COL25A1: variants seen among roughly 807,000 people sequenced by gnomAD.
COL25A1 encodes collagen type XXV alpha 1 chain.
Under a neutral mutation model 128.4 loss-of-function variants are expected in COL25A1, and 103 were observed. The observed-to-expected ratio is 0.80, with a 90% CI of 0.68 to 0.94. COL25A1 has a LOEUF of 0.94. Among genes scored for constraint, COL25A1 ranks in the 40% least tolerant of loss-of-function variants. COL25A1 has a pLI of 0.00. For missense variants in COL25A1, 745 were observed against 840.0 expected, an observed-to-expected ratio of 0.89 and a Z score of 1.40; for synonymous variants, 279 against 277.2, an observed-to-expected ratio of 1.01 and a Z score of -0.06.
At position 108,825,129 on chromosome 4, in the gene COL25A1, G is replaced by A; in HGVS notation, c.1791+67C>T. On this transcript the variant is annotated intron_variant, in intron 34 of 37. Transcript: ENST00000399132. Reference sequence around the variant, plus strand: ...CAGAAAAAAAAGAAGTATTCTTTTTGTTATCGATGATGGAGACCATCAACA... The same window carrying A: ...CAGAAAAAAAAGAAGTATTCTTTTTATTATCGATGATGGAGACCATCAACA... 3 of 1,271,258 alleles carry A rather than the reference G, an allele frequency of 2.4e-6. No homozygotes were observed. The South Asian group carries it at 3.6e-5, about 15-fold the overall frequency. 78.7% of individuals were successfully genotyped at this position (1,271,258 alleles called of 1,614,324 possible).
intron 5 of COL25A1, among the ~76,000 whole-genome samples, chr4:109,027,612 A>C (rs1168480919): frequency 1.3e-5 from 2 of 152,004 alleles, no homozygotes; most frequent in Non-Finnish European, 2.9e-5. Flanking sequence ...ACAGATGGAG[A>C]GATGTTAGGA....
At position 108,916,177 on chromosome 4, in the gene COL25A1, C is replaced by T. The variant is rs183470736; in HGVS notation, c.780+1995G>A. ...CATACACAAAGCTTTAGGTTCAATT[C>T]TCTGAAGGAGGGAAAACAAATTTAA... On this transcript the variant is annotated intron_variant, in intron 13 of 37. Coordinates refer to ENST00000399132, the MANE Select transcript of COL25A1 (RefSeq NM_198721.4). Among the ~76,000 whole-genome samples, 303 of 152,254 alleles carry T rather than the reference C, an allele frequency of 2.0e-3. 2 individuals carry two copies. Among genetic ancestry groups the T allele is most frequent in the African/African-American group, 6.6e-3 (275 of 41,556 alleles).
chr4:108,831,188 T>C (rs896368500), intron 32 of COL25A1, among the ~76,000 whole-genome samples: 1 of 151,478 alleles, frequency 6.6e-6, no homozygotes, highest in Admixed American at 6.6e-5. Flanking sequence ...TCAGTATATA[T>C]TAATAAATAT....
At chr4:108,942,332 G>T in intron 8 of COL25A1, 3 of 1,451,852 alleles carry the variant, frequency 2.1e-6, no homozygotes, top group Non-Finnish European at 2.8e-6. Context: ...TTTCACTAGG[G>T]GACAAACAAA....
chr4:109,200,200 C>T (rs1310352256), intron 3 of COL25A1, among the ~76,000 whole-genome samples: 1 of 152,242 alleles, frequency 6.6e-6, no homozygotes, highest in African/African-American at 2.4e-5. Context: ...GCTCCTTTCA[C>T]ACAACAATCA....
intron 8 of COL25A1, among the ~76,000 whole-genome samples, chr4:108,947,826 G>T (rs1304402575): frequency 1.3e-5 from 2 of 152,176 alleles, no homozygotes; most frequent in Admixed American, 6.5e-5. Context: ...ACAAGGGAGT[G>T]TACCTGAGGT....
chr4:108,894,133 T>C (rs190197429), intron 16 of COL25A1, among the ~76,000 whole-genome samples: 9 of 152,310 alleles, frequency 5.9e-5, no homozygotes, highest in Non-Finnish European at 1.3e-4. Context: ...TGATTTGCAT[T>C]AATATATAAA....
intron 3 of COL25A1, among the ~76,000 whole-genome samples, chr4:109,261,967 G>C (rs1055430564): frequency 6.6e-6 from 1 of 151,804 alleles, no homozygotes; most frequent in Non-Finnish European, 1.5e-5. Context: ...AAAGTGCTGG[G>C]ATTACAGGCA....
chr4:109,162,766 C>G (rs1472122216), intron 3 of COL25A1, among the ~76,000 whole-genome samples: 1 of 152,222 alleles, frequency 6.6e-6, no homozygotes, highest in African/African-American at 2.4e-5. Context: ...GAGGCACTGT[C>G]TGACAGAGAC....
intron 3 of COL25A1, among the ~76,000 whole-genome samples, chr4:109,086,725 A>G (rs192079571): frequency 6.6e-6 from 1 of 152,202 alleles, no homozygotes; most frequent in East Asian, 1.9e-4. Flanking sequence ...TCCATCACCC[A>G]CGCCTGGCTA....
intron 3 of COL25A1, among the ~76,000 whole-genome samples, chr4:109,169,241 C>T (rs1241550124): frequency 6.6e-6 from 1 of 152,158 alleles, no homozygotes; most frequent in Non-Finnish European, 1.5e-5. Context: ...TCTGTACATA[C>T]AATTTACTTT....
chr4:109,019,920 A>G (rs1254832786), intron 5 of COL25A1, among the ~76,000 whole-genome samples: 1 of 152,238 alleles, frequency 6.6e-6, no homozygotes, highest in Non-Finnish European at 1.5e-5. Flanking sequence ...TTTGGTCTCC[A>G]TATCCAATTA....
chr4:109,080,965 G>C (rs1235326350), intron 3 of COL25A1, among the ~76,000 whole-genome samples: 3 of 152,188 alleles, frequency 2.0e-5, no homozygotes, highest in Non-Finnish European at 4.4e-5. Flanking sequence ...GTTCTGGGAA[G>C]AGTAGTAGTA....
intron 8 of COL25A1, among the ~76,000 whole-genome samples, chr4:108,967,332 T>A (rs1373001117): frequency 6.6e-6 from 1 of 152,206 alleles, no homozygotes; most frequent in Admixed American, 6.5e-5. Flanking sequence ...TTATAACAAC[T>A]ACCTTATTGA....
intron 3 of COL25A1, among the ~76,000 whole-genome samples, chr4:109,277,631 C>T (rs1468128251): frequency 6.6e-6 from 1 of 152,070 alleles, no homozygotes; most frequent in East Asian, 1.9e-4. Context: ...GTTGAAAATA[C>T]CAACACATAA....
chr4:109,002,259 G>T (rs1464993575), intron 6 of COL25A1, among the ~76,000 whole-genome samples: 1 of 152,206 alleles, frequency 6.6e-6, no homozygotes, highest in South Asian at 2.1e-4. Context: ...ATATCTGCAT[G>T]CACGTGTTCA....
chr4:108,899,970 T>A (rs1371441400), intron 14 of COL25A1, among the ~76,000 whole-genome samples: 1 of 152,144 alleles, frequency 6.6e-6, no homozygotes, highest in African/African-American at 2.4e-5. Context: ...ATGAAAATAG[T>A]TTCCTATGAA....
chr4:108,969,175 C>T (rs1751644374), intron 8 of COL25A1, among the ~76,000 whole-genome samples: 1 of 152,128 alleles, frequency 6.6e-6, no homozygotes, highest in Non-Finnish European at 1.5e-5. Flanking sequence ...TTGGGGTAAA[C>T]CTTATTGATT....
rs552225829 is a variant in COL25A1 at position 108,808,916 on chromosome 4, G to T, written c.*5011C>A. On this transcript the variant is annotated 3_prime_UTR_variant, in exon 38 of 38. Coordinates refer to ENST00000399132, the MANE Select transcript of COL25A1 (RefSeq NM_198721.4). ...TTAAAAAGCAAATAAAAACAAACTG[G>T]AAACTGAACACAATGCAATTATCTC... The T allele has an allele frequency of 3.9e-5, 6 of 152,130 alleles. No individual in the cohort carries two copies. The highest frequency in any genetic ancestry group is 1.2e-4 in the African/African-American group (5 of 41,520). The allele number at this position is 152,130 out of a possible 1,614,324, so 9.4% of individuals were successfully genotyped here.
Sources: allele counts gnomAD v4.1 joint callset (sites outside exome capture counted in the v4.1 genomes callset), GRCh38; gene constraint gnomAD v4.1.1; transcripts MANE v1.5; gene names NCBI Gene and HGNC (gene_info 2026-07-23, HGNC 2026-07-21).